The following GRID2 variants were observed in gnomAD, a reference collection of about 807,000 sequenced individuals.
GRID2 encodes the protein glutamate receptor ionotropic, delta-2.
GRID2 carries 33 observed loss-of-function variants against 114.8 expected under a neutral mutation model. The ratio of observed to expected loss-of-function variants is 0.29; its 90% CI spans 0.22 to 0.38. The LOEUF is 0.38. Among genes scored for constraint, GRID2 ranks in the 10% least tolerant of loss-of-function variants. The pLI is 1.00. For missense variants in GRID2, 1,184 were observed against 1,257.7 expected (o/e 0.94, Z 0.89); for synonymous variants, 505 against 449.9 (o/e 1.12, Z -1.55).
intron 1 of GRID2, among the ~76,000 whole-genome samples, chr4:92,446,675 T>C (rs1733486112): frequency 6.6e-6 from 1 of 152,234 alleles, no homozygotes; most frequent in African/African-American, 2.4e-5. Flanking sequence ...CCAGTGGCTC[T>C]AGCTCCACTA....
intron 13 of GRID2, among the ~76,000 whole-genome samples, chr4:93,541,721 A>G (rs980777942): frequency 1.3e-5 from 2 of 152,186 alleles, no homozygotes; most frequent in African/African-American, 2.4e-5. Flanking sequence ...GAGTTGCTCT[A>G]TACAATGTGA....
At chr4:92,799,109 C>T (rs1027338176) in intron 2 of GRID2, among the ~76,000 whole-genome samples, 56 of 152,066 alleles carry the variant, frequency 3.7e-4, no homozygotes, top group African/African-American at 1.2e-3. Context: ...TACATACTCA[C>T]CATAATGTAG....
At chr4:93,349,493 A>C (rs1331104032) in intron 8 of GRID2, among the ~76,000 whole-genome samples, 2 of 152,090 alleles carry the variant, frequency 1.3e-5, no homozygotes, top group Non-Finnish European at 2.9e-5. Context: ...TCAAATAAAG[A>C]AAGCATGCTG....
chr4:92,942,476 G>T (rs1362205302), intron 2 of GRID2, among the ~76,000 whole-genome samples: 4 of 152,182 alleles, frequency 2.6e-5, no homozygotes, highest in Admixed American at 2.6e-4. Context: ...TGCATGTGAG[G>T]TGGGTTTCCT....
chr4:93,301,127 G>T (rs1163689704), intron 8 of GRID2, among the ~76,000 whole-genome samples: 1 of 152,110 alleles, frequency 6.6e-6, no homozygotes, highest in East Asian at 1.9e-4. Flanking sequence ...ATATGAGAAG[G>T]TCTCTCTCTT....
At chr4:93,530,471 C>T (rs542400308) in intron 13 of GRID2, among the ~76,000 whole-genome samples, 2 of 152,238 alleles carry the variant, frequency 1.3e-5, no homozygotes, top group Admixed American at 6.5e-5. Flanking sequence ...AATGTTCTTA[C>T]ATATCAGGTA....
chr4:92,819,727 AC>A (rs1228907856), intron 2 of GRID2, among the ~76,000 whole-genome samples: 1 of 152,138 alleles, frequency 6.6e-6, no homozygotes, highest in Non-Finnish European at 1.5e-5. Context: ...GGTGACAAAA[AC>A]AAATTAGAGA....
chr4:93,147,398 A>G (rs2149393172), intron 4 of GRID2, among the ~76,000 whole-genome samples: 1 of 152,304 alleles, frequency 6.6e-6, no homozygotes, highest in East Asian at 1.9e-4. Context: ...TGTATGAGAA[A>G]AATGTGTACT....
intron 11 of GRID2, among the ~76,000 whole-genome samples, chr4:93,476,319 A>C (rs1725319206): frequency 6.6e-6 from 1 of 152,142 alleles, no homozygotes; most frequent in African/African-American, 2.4e-5. Context: ...AAGTGAGAAA[A>C]ACACAGGGAT....
chr4:92,773,568 TTTATATC>T (rs1738635981), intron 2 of GRID2, among the ~76,000 whole-genome samples: 1 of 152,058 alleles, frequency 6.6e-6, no homozygotes, highest in Non-Finnish European at 1.5e-5. Context: ...AAGTCCAAGA[TTTATATC>T]TAATTTAATA....
intron 1 of GRID2, among the ~76,000 whole-genome samples, chr4:92,450,508 G>T (rs972852747): frequency 1.2e-4 from 19 of 152,202 alleles, no homozygotes; most frequent in African/African-American, 4.6e-4. Context: ...GATTTACAGT[G>T]CTCATTGAGT....
intron 2 of GRID2, among the ~76,000 whole-genome samples, chr4:92,895,198 G>A (rs1031891480): frequency 1.3e-5 from 2 of 151,554 alleles, no homozygotes; most frequent in East Asian, 3.9e-4. Flanking sequence ...AATCTGTGAG[G>A]CCAACATGGG....
intron 9 of GRID2, among the ~76,000 whole-genome samples, chr4:93,420,110 A>C (rs1475297357): frequency 1.3e-5 from 2 of 152,190 alleles, no homozygotes; most frequent in African/African-American, 4.8e-5. Context: ...TAGAAGAGCC[A>C]GTCAAATAAT....
At chr4:93,733,394 G>C (rs1179452348) in intron 14 of GRID2, among the ~76,000 whole-genome samples, 1 of 152,122 alleles carries the variant, frequency 6.6e-6, no homozygotes, top group Non-Finnish European at 1.5e-5. Flanking sequence ...TATTTACAAA[G>C]TAGATCAAAA....
chr4:93,108,641 T>C (rs570489872), intron 3 of GRID2, among the ~76,000 whole-genome samples: 222 of 151,742 alleles, frequency 1.5e-3, no homozygotes, highest in African/African-American at 5.3e-3. Context: ...TTTTCTTTTT[T>C]TTTTTTTGAG....
At chr4:92,775,478 C>A (rs1738748752) in intron 2 of GRID2, among the ~76,000 whole-genome samples, 1 of 152,030 alleles carries the variant, frequency 6.6e-6, no homozygotes, top group Non-Finnish European at 1.5e-5. Flanking sequence ...GAAGTCTATG[C>A]CTAGAGCAGA....
At position 93,463,796 on chromosome 4, in the gene GRID2, T is replaced by G. The variant is rs544742039; in HGVS notation, c.1858+7822T>G. ...GGAGGTCAGGAGATCGAGACCATCC[T>G]GGCTAACATGGTGAAACCCTGTCTC... On this transcript the variant is annotated intron_variant, in intron 11 of 15. Coordinates refer to ENST00000282020, the MANE Select transcript of GRID2 (RefSeq NM_001510.4). Among the ~76,000 whole-genome samples the G allele has an allele frequency of 7.9e-5, 12 of 152,232 alleles. 1 individual carries two copies. Among genetic ancestry groups the G allele is most frequent in the Admixed American group, 7.2e-4 (11 of 15,286 alleles).
In GRID2 at chr4:93,452,227, AATC is replaced by A. The variant is rs1424438836; in HGVS notation, c.1546-3430_1546-3428del. 5.9e-5 allele frequency among the ~76,000 whole-genome samples: 9 copies of A among 152,288 alleles called. No homozygotes were observed. The East Asian group carries it at 1.7e-3, about 30-fold the overall frequency. ...AAGTTGTGTTTGTGATGGAGGGAGAAATCATCAATGCTAAATGTCAAGAGACCT... is the reference window on the plus strand; with the variant it reads ...AAGTTGTGTTTGTGATGGAGGGAGAAATCAATGCTAAATGTCAAGAGACCT... On this transcript the variant is annotated intron_variant, in intron 10 of 15. Coordinates refer to ENST00000282020, the MANE Select transcript of GRID2 (RefSeq NM_001510.4).
At chr4:92,686,456 A>G (rs546593671) in intron 2 of GRID2, among the ~76,000 whole-genome samples, 3 of 152,204 alleles carry the variant, frequency 2.0e-5, no homozygotes, top group South Asian at 2.1e-4. Flanking sequence ...TCTATCATGT[A>G]TCAAAAGCAA....
Sources: allele counts gnomAD v4.1 joint callset (sites outside exome capture counted in the v4.1 genomes callset), GRCh38; gene constraint gnomAD v4.1.1; transcripts MANE v1.5; gene names NCBI Gene and HGNC (gene_info 2026-07-23, HGNC 2026-07-21).